RSPH14: variants seen among roughly 807,000 people sequenced by gnomAD.
RSPH14 encodes the protein rhabdoid tumor deletion region gene 1.
A neutral mutation model predicts 26.7 loss-of-function variants in RSPH14; 20 were observed. The observed-to-expected ratio is 0.75, with a 90% CI of 0.53 to 1.09. The LOEUF is 1.09. RSPH14 is among the 50% of genes least tolerant of loss of function. The pLI is 0.00. For synonymous variants in RSPH14, 177 were observed against 189.3 expected (o/e 0.93, Z 0.53); for missense variants, 449 against 457.2 (o/e 0.98, Z 0.16).
upstream of RSPH14, among the ~76,000 whole-genome samples, chr22:23,142,745 T>C (rs757449711): frequency 2.6e-5 from 4 of 152,186 alleles, no homozygotes; most frequent in South Asian, 8.3e-4. Flanking sequence ...GCCTCTGCAG[T>C]GGACCCAACA....
chr22:23,171,375 C>G, the RSPH14 span, among the ~76,000 whole-genome samples: 3 of 152,182 alleles, frequency 2.0e-5, no homozygotes, highest in African/African-American at 7.2e-5. Flanking sequence ...AGACACCTGA[C>G]AGGCATAGTG....
chr22:23,155,417 T>C, the RSPH14 span, among the ~76,000 whole-genome samples: 1 of 152,186 alleles, frequency 6.6e-6, no homozygotes, highest in Non-Finnish European at 1.5e-5. Context: ...TTCTTCTCAC[T>C]ACTGTGCTCC....
the RSPH14 span, among the ~76,000 whole-genome samples, chr22:23,158,725 A>G: frequency 6.6e-6 from 1 of 152,086 alleles, no homozygotes; most frequent in African/African-American, 2.4e-5. Flanking sequence ...GGTCCAGCCA[A>G]CGCCCTTCCG....
chr22:23,080,850 C>T (rs529699712), intron 4 of RSPH14, among the ~76,000 whole-genome samples: 1 of 152,352 alleles, frequency 6.6e-6, no homozygotes, highest in East Asian at 1.9e-4. Flanking sequence ...CCTCTGTCAT[C>T]AGCACTCACT....
chr22:23,123,380 G>T (rs144385269), intron 4 of RSPH14: 2 of 1,613,832 alleles, frequency 1.2e-6, no homozygotes, highest in Non-Finnish European at 1.7e-6. Context: ...TCTTCGACGC[G>T]GTGACAGACG....
At chr22:23,139,329 A>G (rs965184236) in intron 2 of RSPH14, among the ~76,000 whole-genome samples, 1 of 152,266 alleles carries the variant, frequency 6.6e-6, no homozygotes, top group African/African-American at 2.4e-5. Context: ...GCAAATAAAA[A>G]TCCAGCTTTG....
upstream of RSPH14, chr22:23,146,660 A>G (rs763546298): frequency 1.7e-5 from 27 of 1,613,910 alleles, no homozygotes; most frequent in Middle Eastern, 1.6e-4. Flanking sequence ...GTGAGCCGCG[A>G]CCGTGTCATC....
intron 4 of RSPH14, among the ~76,000 whole-genome samples, chr22:23,120,333 A>G (rs1297170012): frequency 1.3e-5 from 2 of 152,036 alleles, no homozygotes; most frequent in Non-Finnish European, 2.9e-5. Context: ...GGCGTTGGAC[A>G]AGAAGAGTGG....
At chr22:23,166,147 TAAA>T in the RSPH14 span, among the ~76,000 whole-genome samples, 8,001 of 59,664 alleles carry the variant, frequency 0.13, 693 homozygotes, top group South Asian at 0.17. Flanking sequence ...CTCTGTCTTT[TAAA>T]AAAAAAAAAA....
At chr22:23,170,625 C>T in the RSPH14 span, among the ~76,000 whole-genome samples, 1 of 151,790 alleles carries the variant, frequency 6.6e-6, no homozygotes, top group Non-Finnish European at 1.5e-5. Context: ...CCCAGCTACT[C>T]GGGAAGCTGA....
the RSPH14 span, chr22:23,161,573 T>C: frequency 1.3e-6 from 2 of 1,599,412 alleles, no homozygotes; most frequent in African/African-American, 1.3e-5. Context: ...AACTGGGGCC[T>C]GCGTGGAAGG....
At chr22:23,156,372 C>T in the RSPH14 span, 32 of 242,786 alleles carry the variant, frequency 1.3e-4, no homozygotes, top group South Asian at 1.2e-3. Flanking sequence ...TCGGAGGAGG[C>T]TTGTCCTGTC....
chr22:23,131,545 C>T, intron 4 of RSPH14: 1 of 1,138,596 alleles, frequency 8.8e-7, no homozygotes, highest in South Asian at 1.4e-5. Context: ...TGTTCCTTAT[C>T]ACCATCTCTG....
intron 4 of RSPH14, among the ~76,000 whole-genome samples, chr22:23,098,687 T>A (rs1158651045): frequency 6.6e-6 from 1 of 152,248 alleles, no homozygotes; most frequent in African/African-American, 2.4e-5. Context: ...ATTCACTGGA[T>A]TCCAAATGAT....
chr22:23,172,896 G>T, the RSPH14 span, among the ~76,000 whole-genome samples: 1 of 151,552 alleles, frequency 6.6e-6, no homozygotes, highest in Non-Finnish European at 1.5e-5. Context: ...CTTGCAGTGA[G>T]CCGAGATCGC....
intron 6 of RSPH14, 116 bp downstream of exon 6, chr22:23,061,693 T>A (rs2068095672): frequency 1.5e-6 from 2 of 1,354,192 alleles, no homozygotes; most frequent in African/African-American, 3.0e-5. Flanking sequence ...AGGTTTTTTT[T>A]TTTTTTGCAA....
At chr22:23,083,791 G>C (rs527352041) in intron 4 of RSPH14, among the ~76,000 whole-genome samples, 3 of 152,326 alleles carry the variant, frequency 2.0e-5, no homozygotes, top group African/African-American at 7.2e-5. Context: ...TCCCACTGCC[G>C]AACCAGCGGC....
chr22:23,159,174 A>G, the RSPH14 span: 2 of 1,611,486 alleles, frequency 1.2e-6, no homozygotes, highest in African/African-American at 1.3e-5. Flanking sequence ...CAGGGGCCGC[A>G]TGTGAGCAGG....
chr22:23,117,453 G>A (rs973250126), intron 4 of RSPH14, among the ~76,000 whole-genome samples: 1 of 152,160 alleles, frequency 6.6e-6, no homozygotes, highest in Non-Finnish European at 1.5e-5. Flanking sequence ...CTGCAGCATC[G>A]AGACCTCTCC....
Sources: gnomAD v4.1 joint callset for allele counts (sites outside exome capture counted in the v4.1 genomes callset) on GRCh38, gnomAD v4.1.1 for gene constraint, MANE v1.5 for transcripts, NCBI Gene and HGNC (gene_info 2026-07-23, HGNC 2026-07-21) for gene names.